The following DLGAP1 variants were observed in gnomAD, a reference collection of about 807,000 sequenced individuals.
DLGAP1 encodes the protein disks large-associated protein 1.
In DLGAP1, 11 loss-of-function variants were observed where a neutral mutation model predicts 90.8. That is an observed-to-expected ratio of 0.12 (90% confidence interval 0.08 to 0.20). The LOEUF (loss-of-function observed/expected upper bound fraction) is 0.20, where lower values mean the gene tolerates loss of function less well. Ranked by LOEUF, DLGAP1 falls within the 10% of genes least tolerant of loss-of-function variation. DLGAP1 has a pLI of 1.00. For synonymous variants in DLGAP1, 558 were observed against 540.7 expected, an observed-to-expected ratio of 1.03 and a Z score of -0.44; for missense variants, 1,050 against 1,333.8, an observed-to-expected ratio of 0.79 and a Z score of 3.31.
At position 3,955,843 on chromosome 18, in the gene DLGAP1, CAGAAGAAAA is replaced by C. The variant is rs539323042; in HGVS notation, c.-73+49264_-73+49272del. ...AACATTAATGCTAGATTAGACATGGCAGAAGAAAAGATTAGTGAACCTGAAGACATAGAA... is the reference window on the plus strand; with the variant it reads ...AACATTAATGCTAGATTAGACATGGCGATTAGTGAACCTGAAGACATAGAA... On this transcript the variant is annotated intron_variant, in intron 3 of 12. Coordinates refer to ENST00000315677, the MANE Select transcript of DLGAP1 (RefSeq NM_004746.4). Among the ~76,000 whole-genome samples the C allele has an allele frequency of 3.3e-5, 5 of 152,070 alleles. No individual in the cohort carries two copies. In the South Asian group the frequency reaches 6.2e-4, roughly 19 times the overall value.
intron 2 of DLGAP1, among the ~76,000 whole-genome samples, chr18:4,036,686 T>G (rs886291961): frequency 6.6e-6 from 1 of 152,160 alleles, no homozygotes; most frequent in Non-Finnish European, 1.5e-5. Flanking sequence ...TAACAGAAAG[T>G]ATACATTTTA....
intron 2 of DLGAP1, among the ~76,000 whole-genome samples, chr18:4,037,801 G>T (rs1036999030): frequency 1.3e-5 from 2 of 152,068 alleles, no homozygotes; most frequent in Admixed American, 6.6e-5. Context: ...CTCTACCAAA[G>T]ATACAAAAAT....
chr18:4,216,798 A>C (rs1333112562), intron 1 of DLGAP1, among the ~76,000 whole-genome samples: 1 of 152,106 alleles, frequency 6.6e-6, no homozygotes, highest in Non-Finnish European at 1.5e-5. Context: ...ATAAAACCTA[A>C]CATCACTCAG....
chr18:3,664,214 A>C (rs565270811), intron 7 of DLGAP1, among the ~76,000 whole-genome samples: 1,349 of 101,190 alleles, frequency 0.013, 25 homozygotes, highest in African/African-American at 0.05. Context: ...ACACACACAC[A>C]CACCCACACA....
At chr18:3,749,380 T>C (rs1320098235) in intron 5 of DLGAP1, among the ~76,000 whole-genome samples, 12 of 152,046 alleles carry the variant, frequency 7.9e-5, no homozygotes, top group Non-Finnish European at 1.6e-4. Flanking sequence ...CTTGAACTCA[T>C]GACCTCAAGT....
intron 8 of DLGAP1, among the ~76,000 whole-genome samples, chr18:3,569,752 G>A (rs547986005): frequency 4.6e-5 from 7 of 151,678 alleles, no homozygotes; most frequent in African/African-American, 9.7e-5. Flanking sequence ...TAACTAATTC[G>A]CCTTTTTTAT....
In DLGAP1 at chr18:4,084,850, C is replaced by T. The variant is rs62087438; in HGVS notation, c.-159+66330G>A. 0.21 allele frequency among the ~76,000 whole-genome samples: 31,763 copies of T among 152,054 alleles called. 4,239 individuals are homozygous for T. The highest frequency in any genetic ancestry group is 0.31 in the Non-Finnish European group (20,983 of 67,972). On this transcript the variant is annotated intron_variant, in intron 2 of 12. Coordinates refer to ENST00000315677, the MANE Select transcript of DLGAP1 (RefSeq NM_004746.4). This position sits in a 1 kb window ranked among gnomAD's most constrained non-coding sequence, Gnocchi z 4.0. Reference sequence around the variant, plus strand: ...TGATTTTTAGACCCAGCCAAGGGACCCTAGGAAGAGTGAAGGAAAGCCTTT... The same window carrying T: ...TGATTTTTAGACCCAGCCAAGGGACTCTAGGAAGAGTGAAGGAAAGCCTTT...
chr18:4,087,370 C>A (rs62087450), intron 2 of DLGAP1, among the ~76,000 whole-genome samples: 39,203 of 151,898 alleles, frequency 0.26, 5,373 homozygotes, highest in Non-Finnish European at 0.31. Context: ...CTGGCCCACC[C>A]AGGGCGGAAA....
At chr18:3,609,081 G>C (rs1042077616) in intron 7 of DLGAP1, among the ~76,000 whole-genome samples, 2 of 151,632 alleles carry the variant, frequency 1.3e-5, no homozygotes, top group African/African-American at 4.9e-5. Context: ...AGTGAGCCTC[G>C]GCCTCCCAAA....
At chr18:4,264,617 A>G (rs2079067329) in intron 1 of DLGAP1, 1 of 152,236 alleles carries the variant, frequency 6.6e-6, no homozygotes, top group South Asian at 2.1e-4. Flanking sequence ...AAATCCCGAC[A>G]GGACTTGTTA....
At chr18:4,062,197 T>C (rs1213853354) in intron 2 of DLGAP1, among the ~76,000 whole-genome samples, 5 of 152,182 alleles carry the variant, frequency 3.3e-5, no homozygotes, top group African/African-American at 1.2e-4. Flanking sequence ...TATTCTTAAC[T>C]TACGGCAATA....
intron 4 of DLGAP1, among the ~76,000 whole-genome samples, chr18:3,843,508 A>T (rs1362738027): frequency 6.6e-6 from 1 of 152,246 alleles, no homozygotes; most frequent in Non-Finnish European, 1.5e-5. Context: ...AATTGAACAT[A>T]GATCAATCTA....
rs551324865 is a variant in DLGAP1 at position 3,795,472 on chromosome 18, C to T, written c.1172+18587G>A. On this transcript the variant is annotated intron_variant, in intron 5 of 12. Transcript: ENST00000315677. ...CTGGGACTACAGGCGCCCACCACCA[C>T]GCCCAGCTAATTTTTGTATTTTTAG... 1.2e-3 allele frequency among the ~76,000 whole-genome samples: 177 copies of T among 152,106 alleles called. 2 individuals carry two copies. Among genetic ancestry groups the T allele is most frequent in the African/African-American group, 3.3e-3 (135 of 41,482 alleles).
intron 1 of DLGAP1, among the ~76,000 whole-genome samples, chr18:4,302,090 ATC>A (rs2080139545): frequency 6.6e-6 from 1 of 152,180 alleles, no homozygotes; most frequent in African/African-American, 2.4e-5. Flanking sequence ...TCTCTAGGAT[ATC>A]TCCTCAGTCT....
At chr18:3,592,864 A>G (rs1458736556) in intron 7 of DLGAP1, among the ~76,000 whole-genome samples, 12 of 119,840 alleles carry the variant, frequency 1.0e-4, no homozygotes, top group Admixed American at 3.9e-4. Flanking sequence ...AAAAAAAAAA[A>G]AAAGAAAAAG....
At chr18:3,868,517 TG>T (rs1314882167) in intron 4 of DLGAP1, among the ~76,000 whole-genome samples, 1 of 152,178 alleles carries the variant, frequency 6.6e-6, no homozygotes, top group Admixed American at 6.5e-5. Context: ...CTGCAGGTCC[TG>T]GGATGGCCTA....
chr18:4,165,207 G>T (rs900817784), intron 1 of DLGAP1, among the ~76,000 whole-genome samples: 2 of 152,156 alleles, frequency 1.3e-5, no homozygotes, highest in African/African-American at 4.8e-5. Flanking sequence ...GAAAGGCAGA[G>T]AAAATATTTT....
chr18:4,299,837 G>T (rs9950711), intron 1 of DLGAP1, among the ~76,000 whole-genome samples: 2 of 151,870 alleles, frequency 1.3e-5, no homozygotes, highest in Admixed American at 1.3e-4. Context: ...TAAAAGTGAT[G>T]TTTTTAACTA....
chr18:4,354,027 G>T (rs2081452393), intron 1 of DLGAP1, among the ~76,000 whole-genome samples: 1 of 152,154 alleles, frequency 6.6e-6, no homozygotes, highest in African/African-American at 2.4e-5. Flanking sequence ...AGTGTGAACT[G>T]GCTGTTGTTA....
Sources: allele counts gnomAD v4.1 joint callset (sites outside exome capture counted in the v4.1 genomes callset), GRCh38; gene constraint gnomAD v4.1.1; non-coding constraint Gnocchi (gnomAD v3.1); transcripts MANE v1.5; gene names NCBI Gene and HGNC (gene_info 2026-07-23, HGNC 2026-07-21).